DDX1: variants seen among roughly 807,000 people sequenced by gnomAD.
DDX1 encodes the protein DEAD-box helicase 1.
A neutral mutation model predicts 108.7 loss-of-function variants in DDX1; 28 were observed. That is an observed-to-expected ratio of 0.26 (90% CI 0.19 to 0.35). The LOEUF is 0.35. DDX1 is among the 10% of genes least tolerant of loss of function. The probability of loss-of-function intolerance (pLI) is 1.00; values close to 1 mark genes in which losing one functional copy is unlikely to be tolerated. For synonymous variants in DDX1, 295 were observed against 288.9 expected, an observed-to-expected ratio of 1.02 and a Z score of -0.21; for missense variants, 710 against 884.5, an observed-to-expected ratio of 0.80 and a Z score of 2.50.
At chr2:15,607,911 A>G (rs940219388) in intron 13 of DDX1, among the ~76,000 whole-genome samples, 2 of 152,060 alleles carry the variant, frequency 1.3e-5, no homozygotes, top group Non-Finnish European at 2.9e-5. Context: ...TCTTCCCTAA[A>G]TCTCTATAGA....
chr2:15,593,325 G>A (rs916531610), intron 1 of DDX1, among the ~76,000 whole-genome samples: 2 of 152,158 alleles, frequency 1.3e-5, no homozygotes, highest in African/African-American at 2.4e-5. Flanking sequence ...CTGTAGGATA[G>A]TTCTAGGTAG....
intron 20 of DDX1, among the ~76,000 whole-genome samples, chr2:15,627,895 T>C (rs1279505375): frequency 6.6e-6 from 1 of 152,174 alleles, no homozygotes; most frequent in Non-Finnish European, 1.5e-5. Context: ...CATAAGTCAG[T>C]ATACCCTTCT....
chr2:15,611,671 CG>C (rs1665763863), intron 13 of DDX1, among the ~76,000 whole-genome samples: 2 of 113,822 alleles, frequency 1.8e-5, no homozygotes, highest in Admixed American at 8.0e-5. Flanking sequence ...CCGGACGGGG[CG>C]GCTGGCCGGG....
rs1161352665 is a variant in DDX1 at position 15,620,272 on chromosome 2, A to G, written c.1271A>G (p.His424Arg). ...AAGAAACTGTCCGAGAAGATAATGC[A>G]TTTTCCTACATGGGTTGACTTAAAA... ...DVKKLSEKIMHFPTWVDLKGE... is the reference protein window; with the variant it reads ...DVKKLSEKIMRFPTWVDLKGE... The change falls in exon 17 of 26, where the codon CAT becomes CGT. Residue 424 changes from histidine (H) to arginine (R), a missense_variant. Physicochemically the swap from His to Arg is conservative, Grantham distance 29. This residue lies in a region of DDX1 where 661 missense variants were observed against 810.2 expected (regional missense o/e 0.82). Coordinates refer to ENST00000233084, the MANE Select transcript of DDX1 (RefSeq NM_004939.3). 1.2e-6 allele frequency: 2 copies of G among 1,613,932 alleles called. No individual in the cohort carries two copies. Among genetic ancestry groups the G allele is most frequent in the Non-Finnish European group, 8.5e-7 (1 of 1,179,972 alleles).
chr2:15,598,975 T>A (rs1397142429), intron 5 of DDX1, among the ~76,000 whole-genome samples: 1 of 152,212 alleles, frequency 6.6e-6, no homozygotes. Flanking sequence ...CTCTGAAATG[T>A]TGATCAGTTA....
rs1453220246 is a variant in DDX1, at chr2:15,613,253, C to G, written c.986C>G (p.Ala329Gly). Reference sequence around the variant, plus strand: ...CTTCTGATAATTGGAGGTGTTGCAGCCCGGGATCAGCTCTCTGTTTTGGAA... The same window carrying G: ...CTTCTGATAATTGGAGGTGTTGCAGGCCGGGATCAGCTCTCTGTTTTGGAA... ...RELLIIGGVA[A>G]RDQLSVLENG... Residue 329 changes from alanine (A) to glycine (G), a missense_variant, in exon 14 of 26, where the codon GCC (alanine) becomes GGC (glycine). Coordinates refer to ENST00000233084, the MANE Select transcript of DDX1 (RefSeq NM_004939.3). 12 of 1,605,524 alleles carry G rather than the reference C, an allele frequency of 7.5e-6. No individual in the cohort carries two copies. Among genetic ancestry groups the G allele is most frequent in the Non-Finnish European group, 1.0e-5 (12 of 1,176,534 alleles).
At chr2:15,595,292 T>C in intron 2 of DDX1, 96 bp downstream of exon 2, 1 of 1,149,490 alleles carries the variant, frequency 8.7e-7, no homozygotes, top group Non-Finnish European at 1.3e-6. Context: ...TCTAGTTGGG[T>C]AAGTGAAAAT....
intron 15 of DDX1, 40 bp downstream of exon 15, chr2:15,617,382 T>C (rs750086895): frequency 1.7e-5 from 22 of 1,275,428 alleles, no homozygotes; most frequent in Non-Finnish European, 2.2e-5. Flanking sequence ...AAAGTTTACT[T>C]ATATTTTTTG....
chr2:15,595,672 G>T (rs905341585), intron 3 of DDX1, 119 bp downstream of exon 3: 6 of 745,028 alleles, frequency 8.1e-6, no homozygotes, highest in Non-Finnish European at 1.2e-5. Flanking sequence ...ACTGTATTCA[G>T]ACTATTAGGT....
At chr2:15,593,637 C>T (rs1665454133) in intron 1 of DDX1, among the ~76,000 whole-genome samples, 1 of 152,162 alleles carries the variant, frequency 6.6e-6, no homozygotes, top group African/African-American at 2.4e-5. Flanking sequence ...AGTAAGAACA[C>T]ACCACTCCTT....
chr2:15,598,084 T>C (rs1461797035), intron 5 of DDX1, among the ~76,000 whole-genome samples: 1 of 152,196 alleles, frequency 6.6e-6, no homozygotes, highest in Non-Finnish European at 1.5e-5. Flanking sequence ...AATTTCATTC[T>C]ATCTTAATTA....
In DDX1 at chr2:15,620,340, C is replaced by G; in HGVS notation, c.1339C>G (p.Pro447Ala). 1 of 1,613,838 alleles carries G rather than the reference C, an allele frequency of 6.2e-7. No homozygotes were observed. The highest frequency in any genetic ancestry group is 1.7e-5 in the Admixed American group (1 of 59,970). Reference sequence around the variant, plus strand: ...AGATACTGTACACCATGTTGTTGTCCCAGTAAATCCCAAAACTGACAGACT... The same window carrying G: ...AGATACTGTACACCATGTTGTTGTCGCAGTAAATCCCAAAACTGACAGACT... ...VPDTVHHVVV[P>A]VNPKTDRLWE... The change falls in exon 17 of 26, where the codon CCA becomes GCA. Residue 447 changes from proline to alanine, a missense_variant. Physicochemically the swap from Pro to Ala is conservative, Grantham distance 27. Around this residue, in one of 3 missense-constraint regions of DDX1, gnomAD observed 661 missense variants for 810.2 expected, o/e 0.82. Transcript: ENST00000233084.
intron 5 of DDX1, chr2:15,599,254 G>A (rs1665547871): frequency 6.8e-6 from 1 of 146,648 alleles, no homozygotes; most frequent in Non-Finnish European, 1.5e-5. Flanking sequence ...AGGAATTAAG[G>A]TACATAAAAT....
intron 20 of DDX1, chr2:15,627,394 T>A (rs1201610183): frequency 6.7e-6 from 2 of 300,562 alleles, no homozygotes; most frequent in African/African-American, 4.4e-5. Context: ...TTTAGTTAAA[T>A]TATTTCAGGT....
intron 17 of DDX1, among the ~76,000 whole-genome samples, 196 bp from the exon 18 acceptor site, chr2:15,620,869 G>A (rs1665993130): frequency 6.6e-6 from 1 of 152,034 alleles, no homozygotes; most frequent in Non-Finnish European, 1.5e-5. Flanking sequence ...ACCTTTAAAA[G>A]TGGTCTTAGA....
At chr2:15,613,189 T>TTG in intron 13 of DDX1, 35 bp from the exon 14 acceptor site, 1 of 1,457,924 alleles carries the variant, frequency 6.9e-7, no homozygotes, top group Non-Finnish European at 9.3e-7. Flanking sequence ...TTTAATTTTT[T>TTG]TTTTTTTATA....
At position 15,627,061 on chromosome 2, in the gene DDX1, TAAA is replaced by T. The variant is rs758643146; in HGVS notation, c.1606_1608del (p.Lys536del). On this transcript the variant is annotated inframe_deletion, in exon 20 of 26. Transcript: ENST00000233084. The stretch of plus-strand genomic sequence containing the variant: ...TAATGTGCTTTTCACTAGGACCTGA[TAAA>T]AAAGGACACCAGTTCTCATGTGTTT... The T allele has an allele frequency of 6.2e-7, 1 of 1,607,278 alleles. No individual in the cohort carries two copies. The highest frequency in any genetic ancestry group is 1.1e-5 in the South Asian group (1 of 89,904).
intron 19 of DDX1, among the ~76,000 whole-genome samples, chr2:15,625,488 C>G (rs1260399646): frequency 6.6e-6 from 1 of 151,866 alleles, no homozygotes; most frequent in African/African-American, 2.4e-5. Flanking sequence ...ATATGCATGC[C>G]GAACTCTGTA....
chr2:15,623,326 T>C lies in DDX1; in HGVS notation c.1448-110T>C, dbSNP rs927650901. ...TATATAATACTTTTATTAAAACAAG[T>C]ATTCTTTTTTAGGAAAATTAAGCAG... On this transcript the variant is annotated intron_variant, in intron 18 of 25. Coordinates refer to ENST00000233084, the MANE Select transcript of DDX1 (RefSeq NM_004939.3). 3.0e-5 allele frequency: 28 copies of C among 932,862 alleles called. No homozygotes were observed. In the Middle Eastern group the frequency reaches 7.2e-4, roughly 24 times the overall value. The allele number at this position is 932,862 out of a possible 1,614,324, so 57.8% of individuals were successfully genotyped here.
Sources: gnomAD v4.1 joint callset for allele counts (sites outside exome capture counted in the v4.1 genomes callset) on GRCh38, gnomAD v4.1.1 for gene constraint, gnomAD v4.1.1 regional missense constraint, MANE v1.5 for transcripts, NCBI Gene and HGNC (gene_info 2026-07-23, HGNC 2026-07-21) for gene names.